COL21A1: variants seen among roughly 807,000 people sequenced by gnomAD.
The protein encoded by COL21A1 is collagen type XXI alpha 1 chain.
A neutral mutation model predicts 137.9 loss-of-function variants in COL21A1; 149 were observed. The observed-to-expected ratio is 1.08, with a 90% CI of 0.95 to 1.24. The LOEUF (loss-of-function observed/expected upper bound fraction) is 1.24. Ranked by LOEUF, COL21A1 falls within the 50% of genes most tolerant of loss-of-function variation. COL21A1 has a pLI of 0.00. For synonymous variants in COL21A1, 456 were observed against 391.5 expected (o/e 1.16, Z -1.95); for missense variants, 1,167 against 1,158.4 (o/e 1.01, Z -0.11).
chr6:56,215,606 T>C (rs1360397235), intron 1 of COL21A1, among the ~76,000 whole-genome samples: 3 of 152,082 alleles, frequency 2.0e-5, no homozygotes, highest in Admixed American at 2.0e-4. Context: ...CTCTGAATCT[T>C]ACTATCCTCC....
At chr6:56,370,284 C>A (rs1408485646) in intron 1 of COL21A1, among the ~76,000 whole-genome samples, 1 of 152,184 alleles carries the variant, frequency 6.6e-6, no homozygotes, top group Non-Finnish European at 1.5e-5. Flanking sequence ...TGTCTCTGTT[C>A]CCGGCCTTCC....
rs200348432 is a variant in COL21A1, at chr6:56,057,723, G to A, written c.2808C>T (p.Cys936=). The change falls in exon 30 of 30, where the codon TGC becomes TGT. Residue 936 remains cysteine, a synonymous_variant. Transcript: ENST00000244728. ...TTACACTAAAACATAGTGATGGGTC[G>A]CAGATGCCTGGGGGGCCTGGTTGCC... ...IQGQPGPPGI[C]DPSLCFSVIA... The A allele has an allele frequency of 2.0e-3, 3,231 of 1,612,882 alleles. 8 individuals are homozygous for A. Among genetic ancestry groups the A allele is most frequent in the Non-Finnish European group, 2.3e-3 (2,725 of 1,179,446 alleles).
At chr6:56,260,641 A>AG (rs1763236398) in intron 1 of COL21A1, among the ~76,000 whole-genome samples, 1 of 40,724 alleles carries the variant, frequency 2.5e-5, no homozygotes. Context: ...GGAAGGAAGG[A>AG]AGGAAGGAAG....
At chr6:56,209,954 G>C (rs1163461708) in intron 1 of COL21A1, among the ~76,000 whole-genome samples, 2 of 152,074 alleles carry the variant, frequency 1.3e-5, no homozygotes, top group Non-Finnish European at 1.5e-5. Context: ...CCATAAAGAA[G>C]GAGGAGTTCA....
chr6:56,117,079 A>C (rs951568469), intron 16 of COL21A1, among the ~76,000 whole-genome samples: 2 of 152,026 alleles, frequency 1.3e-5, no homozygotes, highest in Non-Finnish European at 2.9e-5. Context: ...ACAACATAAC[A>C]GGAGTAGGTC....
At chr6:56,070,211 TAAAAG>T (rs766747471) in intron 21 of COL21A1, among the ~76,000 whole-genome samples, 4 of 151,534 alleles carry the variant, frequency 2.6e-5, no homozygotes, top group Non-Finnish European at 4.4e-5. Context: ...CTCTCTTTTT[TAAAAG>T]AAAAGGAGGC....
At chr6:56,309,313 C>T (rs1464244446) in intron 1 of COL21A1, among the ~76,000 whole-genome samples, 2 of 152,192 alleles carry the variant, frequency 1.3e-5, no homozygotes, top group Admixed American at 6.5e-5. Flanking sequence ...GCTGGGATTA[C>T]AGGCATGAGC....
rs58458377 is a variant in COL21A1, at chr6:56,087,061, C to CTTTTG, written c.1813-9493_1813-9489dup. Among the ~76,000 whole-genome samples the CTTTTG allele has an allele frequency of 1.4e-3, 208 of 149,006 alleles. 1 individual carries two copies. The highest frequency in any genetic ancestry group is 1.9e-3 in the African/African-American group (75 of 40,404). Reference sequence around the variant, plus strand: ...TATCTTGGGACCCTTGTCCCTTCACCTTTTGTTTTGTTTTGTTTTGTTTTG... The same window carrying CTTTTG: ...TATCTTGGGACCCTTGTCCCTTCACCTTTTGTTTTGTTTTGTTTTGTTTTGTTTTG... On this transcript the variant is annotated intron_variant, in intron 17 of 29. Coordinates refer to ENST00000244728, the MANE Select transcript of COL21A1 (RefSeq NM_030820.4).
At chr6:56,342,035 C>T (rs1179037039) in intron 1 of COL21A1, among the ~76,000 whole-genome samples, 2 of 152,092 alleles carry the variant, frequency 1.3e-5, no homozygotes, top group Non-Finnish European at 2.9e-5. Flanking sequence ...TTTTCCCTCC[C>T]CTGTTCCAAA....
chr6:56,148,930 G>C (rs1017147655), intron 10 of COL21A1, among the ~76,000 whole-genome samples: 3 of 152,172 alleles, frequency 2.0e-5, no homozygotes, highest in Admixed American at 1.3e-4. Flanking sequence ...CTCAAGTATA[G>C]AGTTCTAAAG....
rs751494999 is a variant in COL21A1, at chr6:56,179,972, A to C, written c.246T>G (p.Ser82Arg). 1.2e-6 allele frequency: 2 copies of C among 1,613,952 alleles called. No individual in the cohort carries two copies. The highest frequency in any genetic ancestry group is 1.7e-6 in the Non-Finnish European group (2 of 1,179,868). Reference protein sequence around the residue: ...KFIQVGVVQYSDYPVLEIPLG... With the variant: ...KFIQVGVVQYRDYPVLEIPLG... ...GAGGAATCTCCAGCACAGGGTAGTCACTATATTGAACCACTCCAACTTGAA... is the reference window on the plus strand; with the variant it reads ...GAGGAATCTCCAGCACAGGGTAGTCCCTATATTGAACCACTCCAACTTGAA... The change falls in exon 3 of 30, where the codon AGT becomes AGG. Residue 82 changes from serine to arginine, a missense_variant. Ser to Arg is a moderately radical substitution (Grantham distance 110). Coordinates refer to ENST00000244728, the MANE Select transcript of COL21A1 (RefSeq NM_030820.4).
chr6:56,253,766 G>C lies in COL21A1; in HGVS notation c.-38-71110C>G, dbSNP rs1452887880. The stretch of plus-strand genomic sequence containing the variant: ...AAAATCCTTTTGTATCTTAAATTCT[G>C]TTCAAATATTTTGCTTTAAATGCTA... On this transcript the variant is annotated intron_variant, in intron 1 of 28. Transcript: ENST00000370819. Among the ~76,000 whole-genome samples the C allele has an allele frequency of 2.6e-5, 4 of 152,248 alleles. No homozygotes were observed. The South Asian group carries it at 8.3e-4, about 32-fold the overall frequency.
chr6:56,219,367 T>C (rs1050977892), intron 1 of COL21A1, among the ~76,000 whole-genome samples: 2 of 151,978 alleles, frequency 1.3e-5, no homozygotes, highest in African/African-American at 4.8e-5. Context: ...CACTGAAAAC[T>C]GCAATGCCTG....
chr6:56,157,907 A>G (rs543690796), intron 9 of COL21A1, among the ~76,000 whole-genome samples: 2 of 152,312 alleles, frequency 1.3e-5, no homozygotes, highest in East Asian at 3.9e-4. Context: ...AAAAAACTTT[A>G]TCCTCAAAAA....
upstream of COL21A1, among the ~76,000 whole-genome samples, chr6:56,249,512 A>T (rs142693942): frequency 6.6e-6 from 1 of 152,338 alleles, no homozygotes; most frequent in Admixed American, 6.5e-5. Context: ...ATATCGCTAC[A>T]ATGGAATATT....
chr6:56,353,940 A>G (rs1269373543), intron 1 of COL21A1, among the ~76,000 whole-genome samples: 1 of 152,222 alleles, frequency 6.6e-6, no homozygotes, highest in Admixed American at 6.5e-5. Context: ...CCCCATAGAT[A>G]TGTATAATTA....
Position 56,201,185 on chromosome 6 carries a change from T to A in COL21A1, c.-38-18529A>T, listed in dbSNP as rs1409454400. ...TTTCTTGTAAATTTGTTGGAGTTCA[T>A]TGTAGATTCTGGATATTAGCCCTTT... is the stretch of plus-strand genomic sequence containing the variant. On this transcript the variant is annotated intron_variant, in intron 1 of 29. Transcript: ENST00000244728. Among the ~76,000 whole-genome samples, 3 of 152,202 alleles carry A rather than the reference T, an allele frequency of 2.0e-5. No homozygotes were observed. In the East Asian group the frequency reaches 5.8e-4, roughly 29 times the overall value.
intron 1 of COL21A1, among the ~76,000 whole-genome samples, chr6:56,263,273 G>A (rs1022584157): frequency 6.6e-6 from 1 of 152,172 alleles, no homozygotes; most frequent in African/African-American, 2.4e-5. Flanking sequence ...TTAATATGAA[G>A]GAGAGGTTCC....
chr6:56,057,777 A>G lies in COL21A1; in HGVS notation c.2754T>C (p.Asp918=). Residue 918 remains aspartate, a synonymous_variant, in exon 30 of 30, where the codon GAT becomes GAC. Transcript: ENST00000244728. ...GGATTCCAGGTTTTCCATGGTCTCC[A>G]TCTTTGCCAGGGAGACCTGGGTCTC... The part of the protein sequence containing the change: ...PPGDPGLPGK[D]GDHGKPGIQG... 3 of 1,608,504 alleles carry G rather than the reference A, an allele frequency of 1.9e-6. No individual in the cohort carries two copies. The highest frequency in any genetic ancestry group is 2.5e-6 in the Non-Finnish European group (3 of 1,177,588).
Sources: allele counts gnomAD v4.1 joint callset (sites outside exome capture counted in the v4.1 genomes callset), GRCh38; gene constraint gnomAD v4.1.1; transcripts MANE v1.5; gene names NCBI Gene and HGNC (gene_info 2026-07-23, HGNC 2026-07-21).